The following ZFHX3 variants were observed in gnomAD, a reference collection of about 807,000 sequenced individuals.
ZFHX3 encodes zinc finger homeobox 3.
A neutral mutation model predicts 279.1 loss-of-function variants in ZFHX3; 42 were observed. That is an observed-to-expected ratio of 0.15 (90% CI 0.12 to 0.19). ZFHX3 has a LOEUF of 0.19. Among genes scored for constraint, ZFHX3 ranks in the 10% least tolerant of loss-of-function variants. The probability of loss-of-function intolerance (pLI) is 1.00; values close to 1 mark genes in which losing one functional copy is unlikely to be tolerated. For synonymous variants in ZFHX3, 2,293 were observed against 1,957.8 expected (o/e 1.17, Z -4.52); for missense variants, 4,981 against 4,754.0 (o/e 1.05, Z -1.40).
intron 3 of ZFHX3, among the ~76,000 whole-genome samples, chr16:73,386,085 C>G (rs1263016463): frequency 1.3e-5 from 2 of 152,086 alleles, no homozygotes; most frequent in Admixed American, 6.5e-5. Context: ...CGAAACTATA[C>G]CAGGTAATGT....
At chr16:73,191,708 A>G (rs1968040266) in intron 5 of ZFHX3, among the ~76,000 whole-genome samples, 1 of 149,410 alleles carries the variant, frequency 6.7e-6, no homozygotes, top group South Asian at 2.1e-4. Flanking sequence ...TTCAGAGACA[A>G]TACAGAGCTG....
chr16:72,852,030 G>C (rs2143842725), intron 4 of ZFHX3, among the ~76,000 whole-genome samples: 1 of 152,262 alleles, frequency 6.6e-6, no homozygotes, highest in East Asian at 1.9e-4. Context: ...GGATTGCAAG[G>C]CAGGCTATTA....
chr16:73,245,421 C>A (rs1315438933), intron 5 of ZFHX3, among the ~76,000 whole-genome samples: 2 of 152,152 alleles, frequency 1.3e-5, no homozygotes, highest in African/African-American at 2.4e-5. Context: ...AGGCATGAAC[C>A]ACTGCATGGG....
chr16:73,111,911 G>C (rs540681461), intron 7 of ZFHX3, among the ~76,000 whole-genome samples: 1 of 152,274 alleles, frequency 6.6e-6, no homozygotes, highest in Non-Finnish European at 1.5e-5. Context: ...ATTCGTGTAA[G>C]TTCTCAAGGA....
chr16:73,849,442 G>A (rs1379358659), intron 1 of ZFHX3, among the ~76,000 whole-genome samples: 1 of 152,120 alleles, frequency 6.6e-6, no homozygotes, highest in Non-Finnish European at 1.5e-5. Flanking sequence ...ATACTGGAAG[G>A]TATGATTTCT....
intron 5 of ZFHX3, among the ~76,000 whole-genome samples, chr16:72,814,960 T>C (rs571368912): frequency 1.3e-5 from 2 of 152,320 alleles, no homozygotes; most frequent in Admixed American, 6.5e-5. Context: ...TACAATCTCA[T>C]TGTGTTTGCC....
chr16:73,433,257 C>T (rs899300437), intron 3 of ZFHX3, among the ~76,000 whole-genome samples: 2 of 152,188 alleles, frequency 1.3e-5, no homozygotes, highest in African/African-American at 2.4e-5. Context: ...CAAGCTCAGC[C>T]CTCCACCCCC....
chr16:73,375,062 C>T (rs2016699190), intron 3 of ZFHX3, among the ~76,000 whole-genome samples: 1 of 151,754 alleles, frequency 6.6e-6, no homozygotes, highest in Non-Finnish European at 1.5e-5. Context: ...CATTCTTTCT[C>T]TTCTTCCTCC....
chr16:73,690,014 T>G (rs1597067918), intron 1 of ZFHX3, among the ~76,000 whole-genome samples: 2 of 151,954 alleles, frequency 1.3e-5, no homozygotes, highest in South Asian at 2.1e-4. Flanking sequence ...CTCCCTGGTT[T>G]AAGCAATTGC....
intron 1 of ZFHX3, among the ~76,000 whole-genome samples, chr16:73,748,794 T>A (rs1348903718): frequency 6.6e-6 from 1 of 152,190 alleles, no homozygotes; most frequent in Non-Finnish European, 1.5e-5. Flanking sequence ...TTTATTTATT[T>A]ATTTATTTTT....
chr16:73,110,632 G>A (rs1041766995), intron 7 of ZFHX3, among the ~76,000 whole-genome samples: 1 of 152,024 alleles, frequency 6.6e-6, no homozygotes, highest in Non-Finnish European at 1.5e-5. Flanking sequence ...ACAGTGGCTC[G>A]ATCATAGCTC....
intron 3 of ZFHX3, among the ~76,000 whole-genome samples, chr16:72,936,084 C>A (rs570322194): frequency 3.2e-4 from 48 of 152,324 alleles, no homozygotes; most frequent in African/African-American, 1.1e-3. Flanking sequence ...AGGGCTGTGT[C>A]TCAGGGGTCA....
chr16:73,824,398 A>ATT (rs1960837926), intron 1 of ZFHX3, among the ~76,000 whole-genome samples: 1 of 134,816 alleles, frequency 7.4e-6, no homozygotes, highest in African/African-American at 2.9e-5. Flanking sequence ...TTTTTTTTTA[A>ATT]TGTTTTTTTT....
chr16:73,000,389 C>G (rs1393933927), intron 1 of ZFHX3, among the ~76,000 whole-genome samples: 1 of 152,200 alleles, frequency 6.6e-6, no homozygotes, highest in Non-Finnish European at 1.5e-5. Context: ...GCACAAAGCT[C>G]AGCTTGTTCT....
intron 5 of ZFHX3, among the ~76,000 whole-genome samples, chr16:73,213,194 G>C (rs1431332058): frequency 6.6e-6 from 1 of 152,182 alleles, no homozygotes; most frequent in African/African-American, 2.4e-5. Context: ...CAGAGCCCCT[G>C]GGCTGATAGC....
At chr16:72,943,759 T>C (rs1960529496) in intron 3 of ZFHX3, among the ~76,000 whole-genome samples, 1 of 152,188 alleles carries the variant, frequency 6.6e-6, no homozygotes, top group Non-Finnish European at 1.5e-5. Flanking sequence ...GTGCTGCATC[T>C]ACTGGCATTA....
At chr16:72,829,332 A>G (rs899833271) in intron 5 of ZFHX3, among the ~76,000 whole-genome samples, 3 of 152,094 alleles carry the variant, frequency 2.0e-5, no homozygotes, top group Admixed American at 6.5e-5. Context: ...GAGGCTAAGA[A>G]TCAGGGGTGA....
At chr16:73,767,825 C>T (rs1460345686) in intron 1 of ZFHX3, among the ~76,000 whole-genome samples, 1 of 152,158 alleles carries the variant, frequency 6.6e-6, no homozygotes, top group Non-Finnish European at 1.5e-5. Flanking sequence ...TAGTAGTACC[C>T]ATTTGTACCA....
intron 1 of ZFHX3, among the ~76,000 whole-genome samples, chr16:73,805,591 A>G (rs1442239946): frequency 6.6e-6 from 1 of 152,218 alleles, no homozygotes; most frequent in Non-Finnish European, 1.5e-5. Context: ...GGAATAGATG[A>G]AGGAGTGGAT....
Sources: gnomAD v4.1 joint callset for allele counts (sites outside exome capture counted in the v4.1 genomes callset) on GRCh38, gnomAD v4.1.1 for gene constraint, MANE v1.5 for transcripts, NCBI Gene and HGNC (gene_info 2026-07-23, HGNC 2026-07-21) for gene names.